Variants in RAB40B observed in about 807,000 individuals in gnomAD.
The protein encoded by RAB40B is ras-related protein Rab-40B.
Under a neutral mutation model 24.0 loss-of-function variants are expected in RAB40B, and 21 were observed. The observed-to-expected ratio is 0.88, with a 90% CI of 0.62 to 1.26. RAB40B has a LOEUF of 1.26. Among genes scored for constraint, RAB40B ranks in the 50% most tolerant of loss-of-function variants. RAB40B has a pLI of 0.00. For missense variants in RAB40B, 348 were observed against 390.5 expected (o/e 0.89, Z 0.92); for synonymous variants, 167 against 169.8 (o/e 0.98, Z 0.13).
At position 82,692,923 on chromosome 17, in the gene RAB40B, C is replaced by T. The variant is rs189123849; in HGVS notation, c.142+5532G>A. Among the ~76,000 whole-genome samples the T allele has an allele frequency of 3.9e-5, 6 of 152,274 alleles. No individual in the cohort carries two copies. The highest frequency in any genetic ancestry group is 2.0e-4 in the Admixed American group (3 of 15,296). ...GCCAGAATCTATATTTTAAACACTC[C>T]TAGCAAGCATTGAAAGAAATTCAAC... On this transcript the variant is annotated intron_variant, in intron 1 of 5. Transcript: ENST00000571995. The surrounding 1 kb of genome is among the most constrained non-coding windows in gnomAD (Gnocchi z 4.0).
intron 5 of RAB40B, 87 bp downstream of exon 5, chr17:82,658,404 G>A (rs1487910843): frequency 2.6e-5 from 37 of 1,447,044 alleles, no homozygotes; most frequent in South Asian, 1.8e-4. Context: ...GACGGGTCCC[G>A]GGAGGCAGAC....
chr17:82,665,230 A>C (rs12948621), intron 1 of RAB40B, among the ~76,000 whole-genome samples: 47,007 of 150,146 alleles, frequency 0.31, 8,078 homozygotes, highest in Non-Finnish European at 0.37. Context: ...AACAAACAAA[A>C]AAAAAACCCG....
intron 2 of RAB40B, chr17:82,662,616 G>A: frequency 3.6e-5 from 35 of 985,364 alleles, no homozygotes; most frequent in Non-Finnish European, 4.2e-5. Context: ...GTCCACGGTG[G>A]GAGTGTGACC....
rs565636323 is a variant in RAB40B, at chr17:82,657,815, C to A, written c.*48G>T. 4.4e-6 allele frequency: 7 copies of A among 1,608,716 alleles called. No individual in the cohort carries two copies. In the African/African-American group the frequency reaches 8.0e-5, roughly 18 times the overall value. ...CATCCACCAGCTGCCGGGGGTAACG[C>A]CGAGCTTCTCCTGGAGAGATTCCGC... On this transcript the variant is annotated 3_prime_UTR_variant, in exon 6 of 6. Coordinates refer to ENST00000571995, the MANE Select transcript of RAB40B (RefSeq NM_006822.3).
At chr17:82,658,994 T>A in intron 4 of RAB40B, 8 of 393,760 alleles carry the variant, frequency 2.0e-5, no homozygotes, top group East Asian at 4.6e-5. Flanking sequence ...GCTGGAGCGG[T>A]GCAGCCACAA....
chr17:82,698,668 G>C lies in RAB40B; in HGVS notation c.-72C>G. The C allele has an allele frequency of 8.9e-7, 1 of 1,126,750 alleles. No individual in the cohort carries two copies. Among genetic ancestry groups the C allele is most frequent in the Non-Finnish European group, 1.1e-6 (1 of 909,932 alleles). 69.8% of individuals were successfully genotyped at this position (1,126,750 alleles called of 1,614,324 possible). On this transcript the variant is annotated 5_prime_UTR_variant, in exon 1 of 6. Coordinates refer to ENST00000571995, the MANE Select transcript of RAB40B (RefSeq NM_006822.3). ...CGCAGAGGCGGCGGCCCGGCCCCGA[G>C]AGGCGCCGCGCGGGCCCCGAGTCCT... is the stretch of plus-strand genomic sequence containing the variant.
intron 1 of RAB40B, among the ~76,000 whole-genome samples, chr17:82,695,879 T>A (rs1384524219): frequency 6.6e-6 from 1 of 152,056 alleles, no homozygotes; most frequent in African/African-American, 2.4e-5. Flanking sequence ...AAGCTCTTGA[T>A]GGGATTTTTT....
chr17:82,659,334 A>T, intron 4 of RAB40B: 5 of 519,680 alleles, frequency 9.6e-6, no homozygotes, highest in Admixed American at 3.4e-5. Flanking sequence ...CGCATAGCCG[A>T]GGTACGCCGT....
intron 1 of RAB40B, among the ~76,000 whole-genome samples, chr17:82,680,143 G>A (rs8068138): frequency 0.011 from 1,614 of 152,338 alleles, 19 homozygotes; most frequent in African/African-American, 0.037. Context: ...GGCAGGGTTC[G>A]AGGGCTCAAC....
chr17:82,660,571 C>G (rs1002088885), intron 3 of RAB40B, among the ~76,000 whole-genome samples: 7 of 151,760 alleles, frequency 4.6e-5, no homozygotes, highest in Non-Finnish European at 8.8e-5. Flanking sequence ...CACACACGCA[C>G]AGGCACTCAT....
intron 1 of RAB40B, among the ~76,000 whole-genome samples, chr17:82,666,113 A>G (rs2046254300): frequency 6.6e-6 from 1 of 151,666 alleles, no homozygotes; most frequent in African/African-American, 2.4e-5. Flanking sequence ...CACACCTGCC[A>G]CCGCACCTGG....
intron 1 of RAB40B, among the ~76,000 whole-genome samples, chr17:82,688,997 C>A (rs139547175): frequency 1.3e-5 from 2 of 152,274 alleles, no homozygotes; most frequent in African/African-American, 4.8e-5. Flanking sequence ...TATGCCCAAG[C>A]CCTTTGGATG....
intron 2 of RAB40B, chr17:82,662,070 C>T (rs901046655): frequency 5.1e-6 from 5 of 985,320 alleles, no homozygotes; most frequent in Non-Finnish European, 4.8e-6. Context: ...GCCCCGCACA[C>T]GAGACACAAC....
intron 1 of RAB40B, among the ~76,000 whole-genome samples, chr17:82,669,496 TA>T (rs1242526912): frequency 6.6e-6 from 1 of 150,990 alleles, no homozygotes; most frequent in African/African-American, 2.4e-5. Flanking sequence ...AAATAAAAAA[TA>T]AAAAAATTGG....
intron 1 of RAB40B, 23 bp downstream of exon 1, chr17:82,698,432 G>A: frequency 8.1e-7 from 1 of 1,241,394 alleles, no homozygotes; most frequent in Non-Finnish European, 1.0e-6. Flanking sequence ...CCGCACCCCG[G>A]CACGCCCTCC....
At position 82,657,007 on chromosome 17, in the gene RAB40B, T is replaced by A. The variant is rs1485126936; in HGVS notation, c.*856A>T. On this transcript the variant is annotated 3_prime_UTR_variant, in exon 6 of 6. Coordinates refer to ENST00000571995, the MANE Select transcript of RAB40B (RefSeq NM_006822.3). ...CCACCCTGGGCAACAAGAGCGAAAC[T>A]CTGTCTCAAAAATAAATAAATAAAT... 6.6e-6 allele frequency: 1 copy of A among 152,304 alleles called. No individual in the cohort carries two copies. Among genetic ancestry groups the A allele is most frequent in the Non-Finnish European group, 1.5e-5 (1 of 68,152 alleles). The allele number at this position is 152,304 out of a possible 1,614,324, so 9.4% of individuals were successfully genotyped here. A position where few individuals can be genotyped will look rare whatever the true frequency, so the allele number is the denominator to read the frequency against.
intron 1 of RAB40B, among the ~76,000 whole-genome samples, chr17:82,680,134 G>T (rs1013741007): frequency 1.6e-4 from 24 of 152,234 alleles, no homozygotes; most frequent in Non-Finnish European, 3.2e-4. Flanking sequence ...CGGAGGCCTG[G>T]CAGGGTTCGA....
chr17:82,665,442 C>T (rs1367349224), intron 1 of RAB40B, among the ~76,000 whole-genome samples: 4 of 151,990 alleles, frequency 2.6e-5, no homozygotes, highest in South Asian at 2.1e-4. Flanking sequence ...TTTGTAGAGA[C>T]GGGGTTTCGC....
At chr17:82,686,301 G>A (rs1474697701) in intron 1 of RAB40B, among the ~76,000 whole-genome samples, 2 of 151,772 alleles carry the variant, frequency 1.3e-5, no homozygotes, top group Non-Finnish European at 2.9e-5. Flanking sequence ...TAGTAGAGAT[G>A]GGATTTCCCC....
Sources: gnomAD v4.1 joint callset for allele counts (sites outside exome capture counted in the v4.1 genomes callset) on GRCh38, gnomAD v4.1.1 for gene constraint, Gnocchi (gnomAD v3.1) non-coding constraint, MANE v1.5 for transcripts, NCBI Gene and HGNC (gene_info 2026-07-23, HGNC 2026-07-21) for gene names.